Variants in ZNF181 observed in about 807,000 individuals in gnomAD.
ZNF181 encodes the protein zinc finger protein 181.
A neutral mutation model predicts 11.9 loss-of-function variants in ZNF181; 8 were observed. The observed-to-expected ratio is 0.67, with a 90% confidence interval of 0.39 to 1.21. The LOEUF (loss-of-function observed/expected upper bound fraction) is 1.21. Among genes scored for constraint, ZNF181 ranks in the 50% most tolerant of loss-of-function variants. The probability of loss-of-function intolerance (pLI) is 0.01; values close to 1 mark genes in which losing one functional copy is unlikely to be tolerated. For missense variants in ZNF181, 542 were observed against 670.9 expected, an observed-to-expected ratio of 0.81 and a Z score of 2.12; for synonymous variants, 202 against 221.1, an observed-to-expected ratio of 0.91 and a Z score of 0.77.
chr19:34,737,456 AT>A (rs1328452832), intron 1 of ZNF181, among the ~76,000 whole-genome samples: 7 of 152,334 alleles, frequency 4.6e-5, no homozygotes, highest in African/African-American at 1.4e-4. Flanking sequence ...AAATAGATGT[AT>A]TTTTTGTACA....
chr19:34,742,244 G>T lies in ZNF181; in HGVS notation c.*147G>T, dbSNP rs142956090. ...CAGTTTGTTTATTAGACTTTATACTGTAGAGAAATCATATGAAGACCATAA... is the reference window on the plus strand; with the variant it reads ...CAGTTTGTTTATTAGACTTTATACTTTAGAGAAATCATATGAAGACCATAA... On this transcript the variant is annotated 3_prime_UTR_variant, in exon 4 of 4. Coordinates refer to ENST00000492450, the MANE Select transcript of ZNF181 (RefSeq NM_001029997.4). The T allele has an allele frequency of 6.4e-3, 4,507 of 706,308 alleles. 29 individuals carry two copies. Among genetic ancestry groups the T allele is most frequent in the Middle Eastern group, 0.015 (36 of 2,344 alleles). 43.8% of individuals were successfully genotyped at this position (706,308 alleles called of 1,614,324 possible).
In ZNF181 at chr19:34,743,378, T is replaced by C. The variant is rs1200803595; in HGVS notation, c.*1281T>C. The C allele has an allele frequency of 6.6e-6, 1 of 152,214 alleles. No homozygotes were observed. Among genetic ancestry groups the C allele is most frequent in the Non-Finnish European group, 1.5e-5 (1 of 68,036 alleles). 9.4% of individuals were successfully genotyped at this position (152,214 alleles called of 1,614,324 possible). A position where few individuals can be genotyped will look rare whatever the true frequency, so the allele number is the denominator to read the frequency against. On this transcript the variant is annotated 3_prime_UTR_variant, in exon 4 of 4. Coordinates refer to ENST00000492450, the MANE Select transcript of ZNF181 (RefSeq NM_001029997.4). ...TTGAAATAATGGTTTACAAGTGCTA[T>C]GAGGACATAACCAAGAAACAACATA... is the stretch of plus-strand genomic sequence containing the variant.
chr19:34,743,274 T>A lies in ZNF181; in HGVS notation c.*1177T>A, dbSNP rs1435254108. On this transcript the variant is annotated 3_prime_UTR_variant, in exon 4 of 4. Transcript: ENST00000492450. ...TCCAGAAAGCACATTTTGATAACCA[T>A]TGTAATAATGAACAAAACAAATCTG... The A allele has an allele frequency of 6.6e-6, 1 of 152,180 alleles. No individual in the cohort carries two copies. Among genetic ancestry groups the A allele is most frequent in the African/African-American group, 2.4e-5 (1 of 41,444 alleles). 9.4% of individuals were successfully genotyped at this position (152,180 alleles called of 1,614,324 possible).
intron 3 of ZNF181, among the ~76,000 whole-genome samples, chr19:34,740,231 T>C (rs1419092757): frequency 6.6e-6 from 1 of 152,220 alleles, no homozygotes; most frequent in Admixed American, 6.5e-5. Flanking sequence ...CAAATTGAGA[T>C]TAATTGAATG....
rs1276987062 is a variant in ZNF181, at chr19:34,734,731, T to G, written c.-307T>G. On this transcript the variant is annotated 5_prime_UTR_variant, in exon 1 of 4. Coordinates refer to ENST00000492450, the MANE Select transcript of ZNF181 (RefSeq NM_001029997.4). ...GCATAGTGGTGAAGACTGAACGAGCTGATAAAGTTTTTACCATTGTTTTAT... is the reference window on the plus strand; with the variant it reads ...GCATAGTGGTGAAGACTGAACGAGCGGATAAAGTTTTTACCATTGTTTTAT... 2 of 455,694 alleles carry G rather than the reference T, an allele frequency of 4.4e-6. No homozygotes were observed. The highest frequency in any genetic ancestry group is 2.0e-5 in the African/African-American group (1 of 51,192). The allele number at this position is 455,694 out of a possible 1,614,324, so 28.2% of individuals were successfully genotyped here.
intron 1 of ZNF181, 40 bp downstream of exon 1, chr19:34,735,086 T>G: frequency 6.4e-7 from 1 of 1,560,374 alleles, no homozygotes; most frequent in Non-Finnish European, 8.7e-7. Flanking sequence ...AAACACTTTA[T>G]CAGGACTGTG....
In ZNF181 at chr19:34,740,749, A is replaced by G. The variant is rs766987009; in HGVS notation, c.368A>G (p.Tyr123Cys). ...EFSNSKKNLEYIEKLEGKHGS... is the reference protein window; with the variant it reads ...EFSNSKKNLECIEKLEGKHGS... Reference sequence around the variant, plus strand: ...TCAAATTCTAAGAAGAATTTGGAATATATAGAGAAGTTGGAAGGGAAGCAT... The same window carrying G: ...TCAAATTCTAAGAAGAATTTGGAATGTATAGAGAAGTTGGAAGGGAAGCAT... Residue 123 changes from tyrosine to cysteine, a missense_variant, in exon 4 of 4, where the codon TAT becomes TGT. By Grantham distance (194) the Tyr-to-Cys change is radical (BLOSUM62 -2). Transcript: ENST00000492450. The G allele has an allele frequency of 8.1e-6, 13 of 1,613,792 alleles. No homozygotes were observed. In the East Asian group the frequency reaches 2.5e-4, roughly 30 times the overall value.
In ZNF181 at chr19:34,741,626, T is replaced by C. The variant is rs1156851649; in HGVS notation, c.1245T>C (p.Ser415=). 1.2e-6 allele frequency: 2 copies of C among 1,613,932 alleles called. No individual in the cohort carries two copies. Among genetic ancestry groups the C allele is most frequent in the Admixed American group, 3.3e-5 (2 of 59,958 alleles). ...GCAACAAATGTCTGAAAGTCTTTAG[T>C]AGCCTCTCATTTCTTGTTCAGCATC... is the stretch of plus-strand genomic sequence containing the variant. The part of the protein sequence containing the change: ...YECNKCLKVF[S]SLSFLVQHQS... The change falls in exon 4 of 4, where the codon AGT becomes AGC. Residue 415 remains serine, a synonymous_variant. Coordinates refer to ENST00000492450, the MANE Select transcript of ZNF181 (RefSeq NM_001029997.4).
Position 34,740,885 on chromosome 19 carries a change from T to C in ZNF181, c.504T>C (p.Ser168=). The stretch of plus-strand genomic sequence containing the variant: ...TTAGAAGCACCTTTCATTCAAAGTC[T>C]ACTCTTTCTGAACCACAAAAAATTT... ...NIFRSTFHSK[S]TLSEPQKISA... The change falls in exon 4 of 4, where the codon TCT becomes TCC. Residue 168 remains serine (S), a synonymous_variant. Coordinates refer to ENST00000492450, the MANE Select transcript of ZNF181 (RefSeq NM_001029997.4). The C allele has an allele frequency of 1.2e-6, 2 of 1,614,078 alleles. No homozygotes were observed. Among genetic ancestry groups the C allele is most frequent in the Non-Finnish European group, 1.7e-6 (2 of 1,179,998 alleles).
In ZNF181 at chr19:34,737,443, A is replaced by G. The variant is rs535975454; in HGVS notation, c.10-1705A>G. 2.6e-5 allele frequency among the ~76,000 whole-genome samples: 4 copies of G among 152,368 alleles called. No individual in the cohort carries two copies. The South Asian group carries it at 8.3e-4, about 32-fold the overall frequency. ...AAATCAAAGACAGTAATAATGCTGT[A>G]TTAAATAGATGTATTTTTTGTACAT... is the stretch of plus-strand genomic sequence containing the variant. On this transcript the variant is annotated intron_variant, in intron 1 of 3. Coordinates refer to ENST00000492450, the MANE Select transcript of ZNF181 (RefSeq NM_001029997.4).
Position 34,739,638 on chromosome 19 carries a change from G to C in ZNF181, c.229+17G>C, listed in dbSNP as rs773305469. ...TGATTCCAGGTGAGTCATGGTGAACGAGACAAAGGAAGATTTTGTTAAAAA... is the reference window on the plus strand; with the variant it reads ...TGATTCCAGGTGAGTCATGGTGAACCAGACAAAGGAAGATTTTGTTAAAAA... On this transcript the variant is annotated intron_variant, in intron 3 of 3. Coordinates refer to ENST00000492450, the MANE Select transcript of ZNF181 (RefSeq NM_001029997.4). 1 of 1,613,586 alleles carries C rather than the reference G, an allele frequency of 6.2e-7. No homozygotes were observed. The highest frequency in any genetic ancestry group is 1.1e-5 in the South Asian group (1 of 91,042).
At position 34,741,481 on chromosome 19, in the gene ZNF181, A is replaced by C. The variant is rs749372502; in HGVS notation, c.1100A>C (p.His367Pro). 1 of 1,613,694 alleles carries C rather than the reference A, an allele frequency of 6.2e-7. No individual in the cohort carries two copies. The highest frequency in any genetic ancestry group is 1.1e-5 in the South Asian group (1 of 91,040). Residue 367 changes from histidine (H) to proline (P), a missense_variant, in exon 4 of 4, where the codon CAT becomes CCT. By Grantham distance (77) the His-to-Pro change is moderately conservative. Coordinates refer to ENST00000492450, the MANE Select transcript of ZNF181 (RefSeq NM_001029997.4). ...AFIHRSSLIH[H>P]QKIHTGEKPY... ...ATTCATAGGTCATCTCTCATTCACC[A>C]TCAGAAAATCCATACTGGAGAGAAG... is the stretch of plus-strand genomic sequence containing the variant.
chr19:34,740,003 G>T (rs746945831), intron 3 of ZNF181, among the ~76,000 whole-genome samples: 9 of 152,186 alleles, frequency 5.9e-5, no homozygotes, highest in Non-Finnish European at 1.0e-4. Flanking sequence ...GAGCGTTGTA[G>T]ATGAAATATG....
chr19:34,738,300 GC>G (rs2068915891), intron 1 of ZNF181, among the ~76,000 whole-genome samples: 3 of 151,968 alleles, frequency 2.0e-5, no homozygotes. Flanking sequence ...TGGTGGAAGG[GC>G]GAAGAGAAGA....
At chr19:34,737,065 T>G (rs2068899916) in intron 1 of ZNF181, among the ~76,000 whole-genome samples, 1 of 152,238 alleles carries the variant, frequency 6.6e-6, no homozygotes, top group Admixed American at 6.5e-5. Flanking sequence ...ACTTGATTAT[T>G]TGGAAAATGT....
At position 34,739,217 on chromosome 19, in the gene ZNF181, G is replaced by A; in HGVS notation, c.79G>A (p.Asp27Asn). 1.2e-6 allele frequency: 2 copies of A among 1,613,822 alleles called. No homozygotes were observed. Among genetic ancestry groups the A allele is most frequent in the Non-Finnish European group, 8.5e-7 (1 of 1,179,756 alleles). ...GGGATGGCTCAGTTCTGCTCAGAGG[G>A]ACTTATACAAGGATGTGATGGTCCA... Reference protein sequence around the residue: ...EWGWLSSAQRDLYKDVMVQNY... With the variant: ...EWGWLSSAQRNLYKDVMVQNY... The change falls in exon 2 of 4, where the codon GAC becomes AAC. Residue 27 changes from aspartate to asparagine, a missense_variant. Physicochemically the swap from Asp to Asn is conservative, Grantham distance 23. Transcript: ENST00000492450.
chr19:34,741,214 C>T lies in ZNF181; in HGVS notation c.833C>T (p.Ser278Leu), dbSNP rs749264826. Residue 278 changes from serine to leucine, a missense_variant, in exon 4 of 4, where the codon TCA becomes TTA. Ser to Leu is a moderately radical substitution (Grantham distance 145). Coordinates refer to ENST00000492450, the MANE Select transcript of ZNF181 (RefSeq NM_001029997.4). ...RECGKTFSHGSSLTRHLISHS... is the reference protein window; with the variant it reads ...RECGKTFSHGLSLTRHLISHS... ...TGTGGGAAGACTTTTAGCCATGGCT[C>T]ATCCCTTACACGACATCTGATAAGC... is the stretch of plus-strand genomic sequence containing the variant. 4.3e-6 allele frequency: 7 copies of T among 1,613,938 alleles called. No homozygotes were observed. The highest frequency in any genetic ancestry group is 1.7e-5 in the Admixed American group (1 of 59,998).
intron 2 of ZNF181, 73 bp from the exon 3 acceptor site, chr19:34,739,450 C>T: frequency 1.9e-6 from 3 of 1,594,640 alleles, no homozygotes; most frequent in Non-Finnish European, 2.6e-6. Flanking sequence ...TCATCCCTTC[C>T]TGTGGTCCCT....
intron 3 of ZNF181, 100 bp downstream of exon 3, chr19:34,739,721 T>G (rs551895967): frequency 8.2e-7 from 1 of 1,218,964 alleles, no homozygotes; most frequent in African/African-American, 1.5e-5. Context: ...TTAGGTATAC[T>G]GTTTTCAAAG....
Sources: allele counts gnomAD v4.1 joint callset (sites outside exome capture counted in the v4.1 genomes callset), GRCh38; gene constraint gnomAD v4.1.1; transcripts MANE v1.5; gene names NCBI Gene and HGNC (gene_info 2026-07-23, HGNC 2026-07-21).